MDGA2: variants seen among roughly 807,000 people sequenced by gnomAD.
MDGA2 encodes MAM domain-containing glycosylphosphatidylinositol anchor protein 2.
A neutral mutation model predicts 117.8 loss-of-function variants in MDGA2; 40 were observed. The ratio of observed to expected loss-of-function variants is 0.34; its 90% CI spans 0.26 to 0.44. MDGA2 has a LOEUF of 0.44. MDGA2 is among the 20% of genes least tolerant of loss of function. MDGA2 has a pLI of 1.00. For synonymous variants in MDGA2, 452 were observed against 439.0 expected (o/e 1.03, Z -0.37); for missense variants, 1,123 against 1,250.6 (o/e 0.90, Z 1.54).
intron 6 of MDGA2, among the ~76,000 whole-genome samples, chr14:47,090,412 A>C (rs1001557715): frequency 5.9e-5 from 9 of 152,172 alleles, no homozygotes; most frequent in Non-Finnish European, 1.3e-4. Flanking sequence ...TAATTCTAAA[A>C]TTAATAAAGA....
chr14:47,154,565 C>T (rs1883292648), intron 3 of MDGA2, among the ~76,000 whole-genome samples: 1 of 152,190 alleles, frequency 6.6e-6, no homozygotes, highest in African/African-American at 2.4e-5. Flanking sequence ...TGGCCTCTCC[C>T]GGCTCCCAGC....
intron 1 of MDGA2, among the ~76,000 whole-genome samples, chr14:47,478,467 C>A (rs544516216): frequency 1.1e-3 from 173 of 152,282 alleles, no homozygotes; most frequent in African/African-American, 4.0e-3. Context: ...GCCTTCACCT[C>A]CTGGCTCAAG....
rs115818694 is a variant in MDGA2 at position 47,441,224 on chromosome 14, G to C, written c.281-139674C>G. On this transcript the variant is annotated intron_variant, in intron 1 of 16. Transcript: ENST00000399232. ...GCAGAGTCAAGGACTTCCAAACTGA[G>C]AACAACATAACAAGGGCAGCTGGTC... Among the ~76,000 whole-genome samples, 475 of 152,212 alleles carry C rather than the reference G, an allele frequency of 3.1e-3. 1 individual carries two copies. The highest frequency in any genetic ancestry group is 0.011 in the African/African-American group (452 of 41,562).
intron 8 of MDGA2, among the ~76,000 whole-genome samples, chr14:46,991,281 T>C (rs1187520976): frequency 6.6e-6 from 1 of 152,162 alleles, no homozygotes; most frequent in Non-Finnish European, 1.5e-5. Flanking sequence ...AAATCTTTTA[T>C]AGAATGTAAA....
At chr14:47,351,891 T>C (rs1890890354) in intron 1 of MDGA2, among the ~76,000 whole-genome samples, 1 of 137,474 alleles carries the variant, frequency 7.3e-6, no homozygotes, top group Non-Finnish European at 1.5e-5. Flanking sequence ...TGTTATATGC[T>C]CTCTAAATTA....
chr14:46,893,806 C>T (rs1170264518), intron 10 of MDGA2, among the ~76,000 whole-genome samples: 1 of 151,872 alleles, frequency 6.6e-6, no homozygotes, highest in Non-Finnish European at 1.5e-5. Flanking sequence ...GTTTTTAGTA[C>T]AAATTGTACT....
At chr14:46,935,382 C>A (rs942280649) in intron 9 of MDGA2, among the ~76,000 whole-genome samples, 1 of 152,106 alleles carries the variant, frequency 6.6e-6, no homozygotes, top group African/African-American at 2.4e-5. Flanking sequence ...AAGACTCAAT[C>A]CCTAAAGTAT....
intron 1 of MDGA2, among the ~76,000 whole-genome samples, chr14:47,492,550 A>G (rs903633805): frequency 6.6e-6 from 1 of 152,128 alleles, no homozygotes; most frequent in African/African-American, 2.4e-5. Flanking sequence ...AAATGACAAA[A>G]GAAATTCAGA....
intron 4 of MDGA2, among the ~76,000 whole-genome samples, chr14:47,136,649 T>C (rs541740724): frequency 1.3e-5 from 2 of 152,350 alleles, no homozygotes; most frequent in African/African-American, 2.4e-5. Context: ...TATGTTTTTA[T>C]CATTTACATT....
chr14:47,038,344 T>C (rs1394327893), intron 7 of MDGA2, among the ~76,000 whole-genome samples: 1 of 152,208 alleles, frequency 6.6e-6, no homozygotes, highest in African/African-American at 2.4e-5. Flanking sequence ...CAAAAGATAG[T>C]ATTTATTTCC....
chr14:47,620,528 T>A (rs1472173619), intron 1 of MDGA2, among the ~76,000 whole-genome samples: 1 of 152,230 alleles, frequency 6.6e-6, no homozygotes, highest in Non-Finnish European at 1.5e-5. Context: ...AATATACTTC[T>A]TCAAATACTG....
intron 4 of MDGA2, among the ~76,000 whole-genome samples, chr14:47,143,185 T>C (rs930776503): frequency 2.6e-5 from 4 of 152,160 alleles, no homozygotes; most frequent in Non-Finnish European, 4.4e-5. Context: ...GGTTTCACCA[T>C]GTTGGCCAGG....
intron 8 of MDGA2, among the ~76,000 whole-genome samples, chr14:47,004,246 AC>A (rs1396714712): frequency 6.6e-6 from 1 of 151,856 alleles, no homozygotes; most frequent in Non-Finnish European, 1.5e-5. Context: ...TTTTGTGTCA[AC>A]TTTTGTATAT....
chr14:47,546,357 G>A (rs2138766975), intron 1 of MDGA2, among the ~76,000 whole-genome samples: 1 of 152,238 alleles, frequency 6.6e-6, no homozygotes, highest in South Asian at 2.1e-4. Flanking sequence ...TCAGGTGGTT[G>A]CTCTGGGGAA....
chr14:47,632,745 T>C (rs572411615), intron 1 of MDGA2, among the ~76,000 whole-genome samples: 80 of 152,046 alleles, frequency 5.3e-4, no homozygotes, highest in Non-Finnish European at 8.4e-4. Flanking sequence ...ATAGTTTCTT[T>C]TCTTTCTTTT....
intron 9 of MDGA2, among the ~76,000 whole-genome samples, chr14:46,942,748 C>T (rs1051925576): frequency 6.6e-6 from 1 of 152,132 alleles, no homozygotes; most frequent in African/African-American, 2.4e-5. Context: ...CCATTTTTAA[C>T]ACTGAGTAAA....
intron 1 of MDGA2, among the ~76,000 whole-genome samples, chr14:47,588,011 C>T (rs61004825): frequency 0.036 from 5,380 of 151,536 alleles, 327 homozygotes; most frequent in African/African-American, 0.12. Flanking sequence ...TTTCACTTAA[C>T]TTGTTTTCAA....
intron 6 of MDGA2, among the ~76,000 whole-genome samples, chr14:47,073,342 A>G (rs2138851009): frequency 6.6e-6 from 1 of 152,324 alleles, no homozygotes; most frequent in South Asian, 2.1e-4. Context: ...ATATGATTTC[A>G]TCATTTATTG....
intron 1 of MDGA2, among the ~76,000 whole-genome samples, chr14:47,591,620 G>A (rs557695219): frequency 6.6e-6 from 1 of 152,180 alleles, no homozygotes; most frequent in Non-Finnish European, 1.5e-5. Flanking sequence ...TTCATCTCCA[G>A]GATGCAAGTC....
Sources: allele counts gnomAD v4.1 joint callset (sites outside exome capture counted in the v4.1 genomes callset), GRCh38; gene constraint gnomAD v4.1.1; transcripts MANE v1.5; gene names NCBI Gene and HGNC (gene_info 2026-07-23, HGNC 2026-07-21).